ASIC2: variants seen among roughly 807,000 people sequenced by gnomAD.
The protein encoded by ASIC2 is acid sensing ion channel subunit 2, also known as acid-sensing ion channel 2.
A neutral mutation model predicts 57.3 loss-of-function variants in ASIC2; 25 were observed. That is an observed-to-expected ratio of 0.44 (90% CI 0.32 to 0.61). The LOEUF (loss-of-function observed/expected upper bound fraction) is 0.61. Among genes scored for constraint, ASIC2 ranks in the 20% least tolerant of loss-of-function variants. The pLI is 0.06. For missense variants in ASIC2, 641 were observed against 738.1 expected (o/e 0.87, Z 1.52); for synonymous variants, 319 against 307.5 (o/e 1.04, Z -0.39).
intron 1 of ASIC2, among the ~76,000 whole-genome samples, chr17:33,523,758 T>G (rs1914809377): frequency 6.6e-6 from 1 of 152,138 alleles, no homozygotes; most frequent in Non-Finnish European, 1.5e-5. Context: ...GGAAAGGCCC[T>G]CTGTGCTCAC....
intron 1 of ASIC2, among the ~76,000 whole-genome samples, chr17:33,904,442 T>C (rs1915303739): frequency 6.6e-6 from 1 of 152,166 alleles, no homozygotes; most frequent in South Asian, 2.1e-4. Flanking sequence ...TGGGGAACTT[T>C]AAAAATATAG....
chr17:33,291,521 G>A lies in ASIC2; in HGVS notation c.595C>T (p.His199Tyr). The A allele has an allele frequency of 6.2e-7, 1 of 1,612,704 alleles. No homozygotes were observed. The highest frequency in any genetic ancestry group is 1.1e-5 in the South Asian group (1 of 91,082). ...AAGGCGGCGCTGATTCCCTCGAAGT[G>A]GCGCGGAGGCAGGAAGAGGCGGAAG... ...ADFRLFLPPRHFEGISAAFMD... is the reference protein window; with the variant it reads ...ADFRLFLPPRYFEGISAAFMD... Residue 199 changes from histidine to tyrosine, a missense_variant, in exon 1 of 10, where the codon CAC becomes TAC. By Grantham distance (83) the His-to-Tyr change is moderately conservative. This residue lies in a region of ASIC2 where 382 missense variants were observed against 398.0 expected (regional missense o/e 0.96). Coordinates refer to ENST00000225823, the MANE Select transcript of ASIC2 (RefSeq NM_183377.2).
intron 1 of ASIC2, among the ~76,000 whole-genome samples, chr17:33,684,868 A>G (rs1908131413): frequency 6.6e-6 from 1 of 152,148 alleles, no homozygotes; most frequent in Non-Finnish European, 1.5e-5. Context: ...TGGGAATACC[A>G]TTGTGTTCTG....
At chr17:34,051,174 A>T (rs919503132) in intron 1 of ASIC2, among the ~76,000 whole-genome samples, 1 of 152,218 alleles carries the variant, frequency 6.6e-6, no homozygotes, top group Non-Finnish European at 1.5e-5. Flanking sequence ...GCAACATCAC[A>T]ACTAATCCCT....
intron 1 of ASIC2, among the ~76,000 whole-genome samples, chr17:33,338,329 G>A (rs899738845): frequency 6.6e-6 from 1 of 151,160 alleles, no homozygotes; most frequent in Non-Finnish European, 1.5e-5. Flanking sequence ...GGCCTCTCAT[G>A]GAGTATTGGG....
intron 1 of ASIC2, among the ~76,000 whole-genome samples, chr17:33,542,752 T>G (rs1285561374): frequency 7.5e-6 from 1 of 132,692 alleles, no homozygotes; most frequent in African/African-American, 2.9e-5. Context: ...TTAGTTTAAT[T>G]AGATCCCATT....
At chr17:33,526,685 C>G (rs1301631233) in intron 1 of ASIC2, among the ~76,000 whole-genome samples, 1 of 148,818 alleles carries the variant, frequency 6.7e-6, no homozygotes, top group East Asian at 1.9e-4. Flanking sequence ...TGGTGGTACT[C>G]TGGGCAGGCT....
At chr17:33,418,710 T>C (rs1453211429) in intron 1 of ASIC2, among the ~76,000 whole-genome samples, 1 of 152,204 alleles carries the variant, frequency 6.6e-6, no homozygotes, top group Non-Finnish European at 1.5e-5. Context: ...GCCTCTGTTC[T>C]GTTCCATTGG....
chr17:33,394,677 G>C (rs986517148), intron 1 of ASIC2, among the ~76,000 whole-genome samples: 2 of 152,146 alleles, frequency 1.3e-5, no homozygotes, highest in African/African-American at 4.8e-5. Flanking sequence ...TTTGTGGACA[G>C]TGAGTGCCTC....
chr17:33,620,561 A>G (rs1905760088), intron 1 of ASIC2, among the ~76,000 whole-genome samples: 1 of 152,200 alleles, frequency 6.6e-6, no homozygotes, highest in Non-Finnish European at 1.5e-5. Context: ...GAGAAGTGAA[A>G]TCATCCTTAT....
chr17:33,843,427 A>G (rs771113766), intron 1 of ASIC2, among the ~76,000 whole-genome samples: 2 of 152,248 alleles, frequency 1.3e-5, no homozygotes, highest in African/African-American at 2.4e-5. Flanking sequence ...GTGGCATTTT[A>G]ATAGTGCACA....
intron 3 of ASIC2, among the ~76,000 whole-genome samples, chr17:33,045,783 A>G (rs1013883559): frequency 1.3e-5 from 2 of 152,140 alleles, no homozygotes; most frequent in Non-Finnish European, 2.9e-5. Flanking sequence ...TTCTCCCCAC[A>G]CGCCTTCTCC....
intron 1 of ASIC2, among the ~76,000 whole-genome samples, chr17:33,161,308 C>T (rs1905153592): frequency 6.6e-6 from 1 of 152,272 alleles, no homozygotes; most frequent in Admixed American, 6.5e-5. Flanking sequence ...GCCACACTAA[C>T]CTTCTTTTCC....
At chr17:33,779,712 G>GATAATAATAAC (rs1163616272) in intron 1 of ASIC2, among the ~76,000 whole-genome samples, 2 of 152,266 alleles carry the variant, frequency 1.3e-5, no homozygotes, top group East Asian at 3.9e-4. Context: ...GTTTTAGTGG[G>GATAATAATAAC]ATAATAATAA....
chr17:33,217,401 C>T (rs958055268), intron 1 of ASIC2, among the ~76,000 whole-genome samples: 4 of 152,226 alleles, frequency 2.6e-5, no homozygotes, highest in Non-Finnish European at 5.9e-5. Context: ...TGCACACACA[C>T]ACAAACACAC....
intron 1 of ASIC2, among the ~76,000 whole-genome samples, chr17:33,870,122 T>C (rs1249563842): frequency 1.3e-5 from 2 of 149,306 alleles, no homozygotes; most frequent in Non-Finnish European, 3.0e-5. Flanking sequence ...ATCTAATTGA[T>C]ACCACATTAG....
At chr17:33,198,184 T>C (rs1284122839) in intron 1 of ASIC2, among the ~76,000 whole-genome samples, 1 of 152,106 alleles carries the variant, frequency 6.6e-6, no homozygotes, top group African/African-American at 2.4e-5. Flanking sequence ...ACCCCATCTC[T>C]ACAAAAGATA....
intron 1 of ASIC2, among the ~76,000 whole-genome samples, chr17:33,751,465 A>G (rs1910429755): frequency 6.6e-6 from 1 of 152,198 alleles, no homozygotes; most frequent in Non-Finnish European, 1.5e-5. Flanking sequence ...AAATTAAGTG[A>G]CCAGTCTTCC....
chr17:34,008,613 G>A (rs531878333), intron 1 of ASIC2, among the ~76,000 whole-genome samples: 18 of 152,242 alleles, frequency 1.2e-4, no homozygotes, highest in African/African-American at 3.9e-4. Flanking sequence ...AATGCTGCAG[G>A]AATGGGCCTG....
Sources: gnomAD v4.1 joint callset for allele counts (sites outside exome capture counted in the v4.1 genomes callset) on GRCh38, gnomAD v4.1.1 for gene constraint, gnomAD v4.1.1 regional missense constraint, MANE v1.5 for transcripts, NCBI Gene and HGNC (gene_info 2026-07-23, HGNC 2026-07-21) for gene names.